Variants in PPARGC1A observed in about 807,000 individuals in gnomAD.
PPARGC1A encodes the protein PPARG coactivator 1 alpha, also known as peroxisome proliferator-activated receptor gamma coactivator 1-alpha.
Under a neutral mutation model 88.7 loss-of-function variants are expected in PPARGC1A, and 25 were observed. The observed-to-expected ratio is 0.28, with a 90% confidence interval of 0.21 to 0.39. The LOEUF (loss-of-function observed/expected upper bound fraction) is 0.39, where lower values mean the gene tolerates loss of function less well. Among genes scored for constraint, PPARGC1A ranks in the 10% least tolerant of loss-of-function variants. The probability of loss-of-function intolerance (pLI) is 1.00; values close to 1 mark genes in which losing one functional copy is unlikely to be tolerated. For missense variants in PPARGC1A, 880 were observed against 968.7 expected (o/e 0.91, Z 1.22); for synonymous variants, 363 against 355.6 (o/e 1.02, Z -0.24).
the PPARGC1A span, among the ~76,000 whole-genome samples, chr4:23,954,037 AT>A: frequency 1.4e-4 from 21 of 149,798 alleles, no homozygotes; most frequent in East Asian, 7.8e-4. Context: ...TATACTAAGT[AT>A]TTTTTTTTTA....
chr4:24,099,684 A>G, the PPARGC1A span, among the ~76,000 whole-genome samples: 1 of 152,192 alleles, frequency 6.6e-6, no homozygotes, highest in African/African-American at 2.4e-5. Flanking sequence ...CGTACTTGTA[A>G]CATAACTAGG....
the PPARGC1A span, among the ~76,000 whole-genome samples, chr4:23,985,190 C>T: frequency 1.3e-5 from 2 of 152,042 alleles, no homozygotes; most frequent in Non-Finnish European, 2.9e-5. Flanking sequence ...CTGAAGACTA[C>T]CAAACAAATG....
At chr4:24,126,078 A>G in the PPARGC1A span, among the ~76,000 whole-genome samples, 1 of 152,182 alleles carries the variant, frequency 6.6e-6, no homozygotes, top group South Asian at 2.1e-4. Flanking sequence ...AGGATCAGAG[A>G]GTAAAGTGAC....
chr4:24,046,293 C>T, the PPARGC1A span, among the ~76,000 whole-genome samples: 264 of 152,290 alleles, frequency 1.7e-3, no homozygotes, highest in Non-Finnish European at 2.3e-3. Context: ...TAGGTTTCCT[C>T]TCTTAGGAAA....
chr4:23,974,073 G>A, the PPARGC1A span, among the ~76,000 whole-genome samples: 143 of 152,272 alleles, frequency 9.4e-4, no homozygotes, highest in Non-Finnish European at 1.5e-3. Context: ...GAAAAGGAGA[G>A]GAGTAGCAGT....
the PPARGC1A span, among the ~76,000 whole-genome samples, chr4:24,446,846 C>T: frequency 1.2e-4 from 19 of 152,080 alleles, no homozygotes; most frequent in African/African-American, 4.6e-4. Context: ...GTGATCCACC[C>T]GCCTCGGCCT....
chr4:23,929,593 A>G, the PPARGC1A span, among the ~76,000 whole-genome samples: 10 of 152,328 alleles, frequency 6.6e-5, no homozygotes, highest in East Asian at 1.7e-3. Flanking sequence ...TAATGACAGA[A>G]ACCATGGCAG....
the PPARGC1A span, among the ~76,000 whole-genome samples, chr4:24,239,624 A>G: frequency 1.3e-5 from 2 of 152,242 alleles, no homozygotes; most frequent in Admixed American, 1.3e-4. Context: ...TAAAATCTAC[A>G]CATGTCAGGG....
At chr4:24,261,117 C>A in the PPARGC1A span, among the ~76,000 whole-genome samples, 1 of 152,324 alleles carries the variant, frequency 6.6e-6, no homozygotes, top group East Asian at 1.9e-4. Context: ...CATCACCCCA[C>A]CCCTTTCCAC....
the PPARGC1A span, among the ~76,000 whole-genome samples, chr4:24,390,368 A>C: frequency 1.3e-5 from 2 of 152,074 alleles, no homozygotes; most frequent in Non-Finnish European, 2.9e-5. Context: ...ATACAGAAAT[A>C]TTATTAAATA....
At chr4:24,383,828 C>G in the PPARGC1A span, among the ~76,000 whole-genome samples, 1 of 152,114 alleles carries the variant, frequency 6.6e-6, no homozygotes, top group African/African-American at 2.4e-5. Flanking sequence ...GGGGAACTTC[C>G]CAAACTAGCA....
At chr4:24,372,712 C>A in the PPARGC1A span, among the ~76,000 whole-genome samples, 2 of 152,194 alleles carry the variant, frequency 1.3e-5, no homozygotes, top group African/African-American at 4.8e-5. Flanking sequence ...TTGAATCTCA[C>A]TGTGTGTAGT....
At chr4:24,362,077 A>G in the PPARGC1A span, among the ~76,000 whole-genome samples, 1 of 152,228 alleles carries the variant, frequency 6.6e-6, no homozygotes, top group Non-Finnish European at 1.5e-5. Context: ...ATATTCATTC[A>G]GTGTCGCCAT....
chr4:24,329,936 A>T, the PPARGC1A span, among the ~76,000 whole-genome samples: 1 of 152,258 alleles, frequency 6.6e-6, no homozygotes, highest in Middle Eastern at 3.4e-3. Context: ...CTCTCCAATC[A>T]TTCTGGCACA....
In PPARGC1A at chr4:23,801,799, T is replaced by C; in HGVS notation, c.2224A>G (p.Asn742Asp). 1 of 1,614,046 alleles carries C rather than the reference T, an allele frequency of 6.2e-7. No homozygotes were observed. The highest frequency in any genetic ancestry group is 8.5e-7 in the Non-Finnish European group (1 of 1,179,976). ...AAGTACAGCTCAAAGTCAGTTTCGT[T>C]TGACCTGCGCAAAGTGTATCCATTT... ...LENGYTLRRS[N>D]ETDFELYFCG... The change falls in exon 12 of 13, where the codon AAC becomes GAC. Residue 742 changes from asparagine to aspartate, a missense_variant. By Grantham distance (23) the Asn-to-Asp change is conservative (BLOSUM62 1). Transcript: ENST00000264867.
Position 23,795,607 on chromosome 4 carries a change from C to G in PPARGC1A, c.*215G>C. On this transcript the variant is annotated 3_prime_UTR_variant, in exon 13 of 13. Transcript: ENST00000264867. ...AAACATGTGCTTACTGGATATCATT[C>G]TGTCTCTTGCCTCTTCAGCAGCTGT... 1 of 494,680 alleles carries G rather than the reference C, an allele frequency of 2.0e-6. No homozygotes were observed. The highest frequency in any genetic ancestry group is 3.7e-5 in the East Asian group (1 of 27,284). The allele number at this position is 494,680 out of a possible 1,614,324, so 30.6% of individuals were successfully genotyped here. A position where few individuals can be genotyped will look rare whatever the true frequency, so the allele number is the denominator to read the frequency against.
chr4:24,421,874 T>C, the PPARGC1A span, among the ~76,000 whole-genome samples: 1 of 152,334 alleles, frequency 6.6e-6, no homozygotes, highest in South Asian at 2.1e-4. Flanking sequence ...TAAGGACATA[T>C]AATACTGCTT....
At chr4:24,146,864 T>C in the PPARGC1A span, among the ~76,000 whole-genome samples, 3 of 152,322 alleles carry the variant, frequency 2.0e-5, no homozygotes, top group South Asian at 4.1e-4. Flanking sequence ...CTTGTTATTC[T>C]TTTCCACATC....
the PPARGC1A span, among the ~76,000 whole-genome samples, chr4:23,966,403 A>C: frequency 6.6e-6 from 1 of 152,196 alleles, no homozygotes; most frequent in African/African-American, 2.4e-5. Flanking sequence ...TTTTAATTTT[A>C]TTATAAGTTG....
Sources: allele counts gnomAD v4.1 joint callset (sites outside exome capture counted in the v4.1 genomes callset), GRCh38; gene constraint gnomAD v4.1.1; transcripts MANE v1.5; gene names NCBI Gene and HGNC (gene_info 2026-07-23, HGNC 2026-07-21).